Variants in IKBKE observed in about 807,000 individuals in gnomAD.
IKBKE encodes inhibitor of nuclear factor kappa B kinase subunit epsilon.
Under a neutral mutation model 92.1 loss-of-function variants are expected in IKBKE, and 45 were observed. The observed-to-expected ratio is 0.49, with a 90% CI of 0.38 to 0.63. IKBKE has a LOEUF of 0.63. Among genes scored for constraint, IKBKE ranks in the 20% least tolerant of loss-of-function variants. The pLI, the probability that IKBKE is intolerant of heterozygous loss-of-function variation, is 0.00. For missense variants in IKBKE, 700 were observed against 932.8 expected, an observed-to-expected ratio of 0.75 and a Z score of 3.25; for synonymous variants, 374 against 380.3, an observed-to-expected ratio of 0.98 and a Z score of 0.19.
chr1:206,488,115 G>A, intron 16 of IKBKE, 125 bp downstream of exon 16: 1 of 707,478 alleles, frequency 1.4e-6, no homozygotes, highest in South Asian at 1.7e-5. Context: ...ACCTCCAGCT[G>A]GTGGTTCTTG....
At position 206,480,085 on chromosome 1, in the gene IKBKE, C is replaced by T; in HGVS notation, c.1312C>T (p.Leu438=). ...ACGGGCCCTGCTGGATGGGCAGGAG[C>T]TAATGTTTCGGGGGCTGCACTGGGT... The part of the protein sequence containing the change: ...LARALLDGQE[L]MFRGLHWVME... Residue 438 remains leucine, a synonymous_variant, in exon 12 of 22, where the codon CTA becomes TTA. Coordinates refer to ENST00000581977, the MANE Select transcript of IKBKE (RefSeq NM_014002.4). 1 of 1,593,052 alleles carries T rather than the reference C, an allele frequency of 6.3e-7. No homozygotes were observed. The highest frequency in any genetic ancestry group is 1.8e-5 in the Admixed American group (1 of 54,622).
rs1665043181 is a variant in IKBKE, at chr1:206,476,002, C to A, written c.359-179C>A. On this transcript the variant is annotated intron_variant, in intron 5 of 21. Transcript: ENST00000581977. The surrounding 1 kb of genome is among the most constrained non-coding windows in gnomAD (Gnocchi z 5.1). ...GATGGTACCTCCATACCCTAGTGTC[C>A]TTGAGATGCCCCCTAAGCCCCATGC... 6.6e-6 allele frequency among the ~76,000 whole-genome samples: 1 copy of A among 152,006 alleles called. No homozygotes were observed. The highest frequency in any genetic ancestry group is 2.4e-5 in the African/African-American group (1 of 41,372).
intron 2 of IKBKE, among the ~76,000 whole-genome samples, chr1:206,472,295 GT>G (rs1664818846): frequency 6.6e-6 from 1 of 152,068 alleles, no homozygotes; most frequent in African/African-American, 2.4e-5. Context: ...TTAAAGGATG[GT>G]GGCCCTTCTA....
chr1:206,480,095 G>A lies in IKBKE; in HGVS notation c.1322G>A (p.Arg441Gln), dbSNP rs200663079. The change falls in exon 12 of 22, where the codon CGG (arginine) becomes CAG (glutamine). Residue 441 changes from arginine to glutamine, a missense_variant. Arg to Gln is a conservative substitution (Grantham distance 43). Transcript: ENST00000581977. ...ALLDGQELMF[R>Q]GLHWVMEVLQ... is the part of the protein sequence containing the mutation. Reference sequence around the variant, plus strand: ...CTGGATGGGCAGGAGCTAATGTTTCGGGGGCTGCACTGGGTCATGTGAGTA... The same window carrying A: ...CTGGATGGGCAGGAGCTAATGTTTCAGGGGCTGCACTGGGTCATGTGAGTA... 360 of 1,587,720 alleles carry A rather than the reference G, an allele frequency of 2.3e-4. No homozygotes were observed. The highest frequency in any genetic ancestry group is 2.9e-4 in the Non-Finnish European group (338 of 1,169,246).
rs1553389242 is a variant in IKBKE at position 206,488,013 on chromosome 1, C to T, written c.1693+23C>T. ...CAGGTGAGCCCGGGGAGGGCAGATGCCCCTTCTCTCTCCTCTGTCTCCCTT... is the reference window on the plus strand; with the variant it reads ...CAGGTGAGCCCGGGGAGGGCAGATGTCCCTTCTCTCTCCTCTGTCTCCCTT... On this transcript the variant is annotated intron_variant, in intron 16 of 21. Transcript: ENST00000581977. The T allele has an allele frequency of 3.3e-6, 5 of 1,533,448 alleles. No homozygotes were observed. The African/African-American group carries it at 4.1e-5, about 13-fold the overall frequency. 95.0% of individuals were successfully genotyped at this position (1,533,448 alleles called of 1,614,324 possible). A position where few individuals can be genotyped will look rare whatever the true frequency, so the allele number is the denominator to read the frequency against.
chr1:206,478,060 T>G lies in IKBKE; in HGVS notation c.813-100T>G. 2 of 715,030 alleles carry G rather than the reference T, an allele frequency of 2.8e-6. No homozygotes were observed. Among genetic ancestry groups the G allele is most frequent in the Non-Finnish European group, 4.6e-6 (2 of 437,332 alleles). 44.3% of individuals were successfully genotyped at this position (715,030 alleles called of 1,614,324 possible). ...CCACCCTGCCCCACCATCTTGGTCC[T>G]AGCTCTTCAGGATATTCTCTTAGAA... On this transcript the variant is annotated intron_variant, in intron 8 of 21. Coordinates refer to ENST00000581977, the MANE Select transcript of IKBKE (RefSeq NM_014002.4). The surrounding 1 kb of genome is among the most constrained non-coding windows in gnomAD (Gnocchi z 4.8).
At chr1:206,491,062 A>G (rs1665927211) in intron 17 of IKBKE, 3 of 617,752 alleles carry the variant, frequency 4.9e-6, no homozygotes. Context: ...TGCAATCTTG[A>G]AGTAACTGGA....
chr1:206,492,150 G>C (rs1191056741), intron 18 of IKBKE: 3 of 314,340 alleles, frequency 9.5e-6, no homozygotes, highest in Non-Finnish European at 1.9e-5. Flanking sequence ...TCTTTCTACC[G>C]TTCCACCTGG....
At position 206,478,087 on chromosome 1, in the gene IKBKE, G is replaced by A. The variant is rs553638807; in HGVS notation, c.813-73G>A. ...GCTCTTCAGGATATTCTCTTAGAAC[G>A]CTCCTATTGCCTGCTTAAGGAGGAT... On this transcript the variant is annotated intron_variant, in intron 8 of 21. Transcript: ENST00000581977. This position sits in a 1 kb window ranked among gnomAD's most constrained non-coding sequence, Gnocchi z 4.8. The A allele has an allele frequency of 1.3e-5, 15 of 1,160,960 alleles. No individual in the cohort carries two copies. Among genetic ancestry groups the A allele is most frequent in the Middle Eastern group, 4.8e-4 (2 of 4,170 alleles). 71.9% of individuals were successfully genotyped at this position (1,160,960 alleles called of 1,614,324 possible).
At chr1:206,474,842 G>A (rs1418905142) in intron 4 of IKBKE, 23 bp from the exon 5 acceptor site, 1 of 1,611,888 alleles carries the variant, frequency 6.2e-7, no homozygotes, top group Non-Finnish European at 8.5e-7. Context: ...GTCCTCATGA[G>A]CCCCTCTCTG....
chr1:206,494,000 C>A lies in IKBKE; in HGVS notation c.2117+9C>A, dbSNP rs1553391472. ...AACCGCATCATCGAACGGTAAGGAG[C>A]TTTCACCTTGTGTAGGTCAGGGCCG... is the stretch of plus-strand genomic sequence containing the variant. On this transcript the variant is annotated intron_variant, in intron 21 of 21. Transcript: ENST00000581977. 2.5e-6 allele frequency: 4 copies of A among 1,613,142 alleles called. No individual in the cohort carries two copies. The South Asian group carries it at 3.3e-5, about 13-fold the overall frequency.
At chr1:206,472,424 C>T (rs554033298) in intron 2 of IKBKE, among the ~76,000 whole-genome samples, 2 of 152,146 alleles carry the variant, frequency 1.3e-5, no homozygotes, top group South Asian at 2.1e-4. Flanking sequence ...GAGAACTAGG[C>T]TTTGGGGAAA....
chr1:206,494,818 G>T (rs1213605438), intron 21 of IKBKE, among the ~76,000 whole-genome samples: 2 of 151,252 alleles, frequency 1.3e-5, no homozygotes, highest in African/African-American at 2.4e-5. Context: ...TGGCCAGGCT[G>T]GTCTCAAACT....
intron 16 of IKBKE, among the ~76,000 whole-genome samples, chr1:206,488,269 G>T (rs577271157): frequency 6.6e-6 from 1 of 152,366 alleles, no homozygotes; most frequent in East Asian, 1.9e-4. Flanking sequence ...ATGGTTGGGG[G>T]ATCCAGTGGG....
intron 21 of IKBKE, among the ~76,000 whole-genome samples, chr1:206,494,566 A>G (rs1216162205): frequency 8.6e-6 from 1 of 115,970 alleles, no homozygotes; most frequent in Non-Finnish European, 1.8e-5. Context: ...TGAGATTGAG[A>G]TTTTGCATAC....
intron 13 of IKBKE, among the ~76,000 whole-genome samples, chr1:206,481,458 G>C (rs1665385441): frequency 6.6e-6 from 1 of 152,248 alleles, no homozygotes; most frequent in African/African-American, 2.4e-5. Flanking sequence ...GGAGGAGCAG[G>C]GAGGAGGAAG....
In IKBKE at chr1:206,473,977, A is replaced by AAAAAAAAAG. The variant is rs1553384499; in HGVS notation, c.88-347_88-346insAGAAAAAAA. ...CTCCGTCTCAAAAAAAAAAAAAAAAAAAAAAAAGAATTGGAGCCATACAGA... is the reference window on the plus strand; with the variant it reads ...CTCCGTCTCAAAAAAAAAAAAAAAAAAAAAAAAAGAAAAAAAGAATTGGAGCCATACAGA... On this transcript the variant is annotated intron_variant, in intron 3 of 21. Coordinates refer to ENST00000581977, the MANE Select transcript of IKBKE (RefSeq NM_014002.4). Among the ~76,000 whole-genome samples the AAAAAAAAAG allele has an allele frequency of 2.8e-3, 417 of 151,506 alleles. 1 individual carries two copies. The highest frequency in any genetic ancestry group is 7.1e-3 in the Middle Eastern group (2 of 280).
At chr1:206,486,318 G>A (rs1665655399) in intron 15 of IKBKE, among the ~76,000 whole-genome samples, 2 of 152,276 alleles carry the variant, frequency 1.3e-5, no homozygotes, top group African/African-American at 4.8e-5. Flanking sequence ...CAGATCTGAG[G>A]CCCCGTCCTT....
In IKBKE at chr1:206,476,072, G is replaced by T; in HGVS notation, c.359-109G>T. The T allele has an allele frequency of 9.7e-7, 1 of 1,027,338 alleles. No individual in the cohort carries two copies. Among genetic ancestry groups the T allele is most frequent in the Non-Finnish European group, 1.5e-6 (1 of 681,094 alleles). 63.6% of individuals were successfully genotyped at this position (1,027,338 alleles called of 1,614,324 possible). On this transcript the variant is annotated intron_variant, in intron 5 of 21. Coordinates refer to ENST00000581977, the MANE Select transcript of IKBKE (RefSeq NM_014002.4). This position sits in a 1 kb window ranked among gnomAD's most constrained non-coding sequence, Gnocchi z 5.1. Reference sequence around the variant, plus strand: ...TGTCCCATGGCTCTGTCAGCCCATGGGAACTCCTGTCTCTCTGGATGCAAG... The same window carrying T: ...TGTCCCATGGCTCTGTCAGCCCATGTGAACTCCTGTCTCTCTGGATGCAAG...
Sources: allele counts gnomAD v4.1 joint callset (sites outside exome capture counted in the v4.1 genomes callset), GRCh38; gene constraint gnomAD v4.1.1; non-coding constraint Gnocchi (gnomAD v3.1); transcripts MANE v1.5; gene names NCBI Gene and HGNC (gene_info 2026-07-23, HGNC 2026-07-21).